The following CXXC4 variants were observed in gnomAD, a reference collection of about 807,000 sequenced individuals.
The protein encoded by CXXC4 is CXXC finger protein 4, also known as CXXC-type zinc finger protein 4.
CXXC4 carries 5 observed loss-of-function variants against 20.5 expected under a neutral mutation model. That is an observed-to-expected ratio of 0.24 (90% CI 0.13 to 0.51). The LOEUF is 0.51. CXXC4 is among the 20% of genes least tolerant of loss of function. The pLI, the probability that CXXC4 is intolerant of heterozygous loss-of-function variation, is 0.97. For missense variants in CXXC4, 419 were observed against 496.4 expected (o/e 0.84, Z 1.48); for synonymous variants, 250 against 216.4 (o/e 1.16, Z -1.36).
At chr4:104,492,096 G>C (rs1419547792) in intron 1 of CXXC4, 37 bp from the exon 2 acceptor site, 1 of 260,798 alleles carries the variant, frequency 3.8e-6, no homozygotes, top group Non-Finnish European at 7.2e-6. Flanking sequence ...AGCTGCACGA[G>C]GAAAAAGATT....
At chr4:104,473,051 A>T (rs1446185049) in intron 2 of CXXC4, among the ~76,000 whole-genome samples, 1 of 151,770 alleles carries the variant, frequency 6.6e-6, no homozygotes, top group East Asian at 1.9e-4. Context: ...TATGTATAGA[A>T]ATCACAATAT....
At chr4:104,492,131 A>G (rs1736905128) in intron 1 of CXXC4, 72 bp from the exon 2 acceptor site, 1 of 180,024 alleles carries the variant, frequency 5.6e-6, no homozygotes, top group South Asian at 2.0e-4. Flanking sequence ...TCCCTCACTA[A>G]CCCACCGCAG....
At chr4:104,480,292 T>C (rs1736518626) in intron 2 of CXXC4, among the ~76,000 whole-genome samples, 1 of 152,140 alleles carries the variant, frequency 6.6e-6, no homozygotes, top group Admixed American at 6.6e-5. Context: ...CACCATAGGA[T>C]TTATAAGATG....
chr4:104,484,958 A>G (rs1333450033), intron 2 of CXXC4, among the ~76,000 whole-genome samples: 1 of 152,042 alleles, frequency 6.6e-6, no homozygotes, highest in South Asian at 2.1e-4. Flanking sequence ...ATATTTTGAA[A>G]ATCCTAATAA....
At chr4:104,490,341 G>A (rs1736811676) in intron 2 of CXXC4, among the ~76,000 whole-genome samples, 1 of 152,140 alleles carries the variant, frequency 6.6e-6, no homozygotes, top group Admixed American at 6.5e-5. Flanking sequence ...TTATAAATGG[G>A]CCACTAACTT....
chr4:104,476,486 A>G (rs1233288251), intron 2 of CXXC4, among the ~76,000 whole-genome samples: 1 of 152,192 alleles, frequency 6.6e-6, no homozygotes, highest in Non-Finnish European at 1.5e-5. Context: ...ATTCATATCT[A>G]AGTACAGTGT....
chr4:104,492,834 T>A (rs530233827), intron 1 of CXXC4, among the ~76,000 whole-genome samples: 1 of 152,176 alleles, frequency 6.6e-6, no homozygotes, highest in East Asian at 1.9e-4. Flanking sequence ...TGATTTTTTT[T>A]AAGGTAGAAA....
intron 1 of CXXC4, among the ~76,000 whole-genome samples, chr4:104,493,048 A>AGGG (rs10633436): frequency 1.8e-3 from 240 of 132,566 alleles, no homozygotes; most frequent in African/African-American, 6.3e-3. Context: ...ATTGAGTAAA[A>AGGG]GGGGGGGGGG....
chr4:104,480,845 C>T (rs1283606457), intron 2 of CXXC4, among the ~76,000 whole-genome samples: 1 of 146,774 alleles, frequency 6.8e-6, no homozygotes, highest in African/African-American at 2.5e-5. Flanking sequence ...TTGCCTTTAT[C>T]TTCCCTCCCT....
rs1001274628 is a variant in CXXC4 at position 104,494,864 on chromosome 4, T to G, written c.-421A>C. Reference sequence around the variant, plus strand: ...GGTGGTCTCTCCTCTCCCAGCGCGTTGCTCTCCGTCCGTCTCCAGTCGCTG... The same window carrying G: ...GGTGGTCTCTCCTCTCCCAGCGCGTGGCTCTCCGTCCGTCTCCAGTCGCTG... On this transcript the variant is annotated 5_prime_UTR_variant, in exon 1 of 3. Coordinates refer to ENST00000394767, the MANE Select transcript of CXXC4 (RefSeq NM_025212.4). 6.7e-6 allele frequency: 1 copy of G among 150,306 alleles called. No homozygotes were observed. The highest frequency in any genetic ancestry group is 1.5e-5 in the Non-Finnish European group (1 of 67,662). 9.3% of individuals were successfully genotyped at this position (150,306 alleles called of 1,614,324 possible). A position where few individuals can be genotyped will look rare whatever the true frequency, so the allele number is the denominator to read the frequency against.
chr4:104,478,888 G>T (rs1736485365), intron 2 of CXXC4, among the ~76,000 whole-genome samples: 1 of 151,786 alleles, frequency 6.6e-6, no homozygotes, highest in Non-Finnish European at 1.5e-5. Flanking sequence ...AAGAATGATT[G>T]AAATTATTTT....
Position 104,491,620 on chromosome 4 carries a change from G to A in CXXC4, c.183C>T (p.Ala61=), listed in dbSNP as rs1736881616. Residue 61 remains alanine (A), a synonymous_variant, in exon 2 of 3, where the codon GCC becomes GCT. Coordinates refer to ENST00000394767, the MANE Select transcript of CXXC4 (RefSeq NM_025212.4). The stretch of plus-strand genomic sequence containing the variant: ...TGGGGGTGGTGATGCGCGCGATCTT[G>A]GCCGCCTGTGGGAAGGCGCCCCCGT... The part of the protein sequence containing the change: ...KTNGGAFPQA[A]KIARITTPIF... 1.9e-6 allele frequency: 3 copies of A among 1,543,186 alleles called. No homozygotes were observed. Among genetic ancestry groups the A allele is most frequent in the Non-Finnish European group, 2.6e-6 (3 of 1,144,070 alleles).
intron 2 of CXXC4, among the ~76,000 whole-genome samples, chr4:104,488,744 G>C (rs1392818299): frequency 6.6e-6 from 1 of 152,138 alleles, no homozygotes; most frequent in Non-Finnish European, 1.5e-5. Flanking sequence ...TGTAGGAAAA[G>C]CATCAAATTA....
At chr4:104,473,863 T>C (rs1319762400) in intron 2 of CXXC4, among the ~76,000 whole-genome samples, 1 of 151,872 alleles carries the variant, frequency 6.6e-6, no homozygotes, top group Non-Finnish European at 1.5e-5. Flanking sequence ...ATAATTGAGG[T>C]TAGCTCTTAT....
intron 2 of CXXC4, among the ~76,000 whole-genome samples, chr4:104,476,275 G>A (rs1047558703): frequency 2.0e-5 from 3 of 152,066 alleles, no homozygotes; most frequent in African/African-American, 7.2e-5. Context: ...TAAAGAATAT[G>A]AAAAGCTTTC....
chr4:104,491,032 A>C lies in CXXC4; in HGVS notation c.771T>G (p.Leu257=). Reference sequence around the variant, plus strand: ...CTGCTGAGGCTGCTGCGGGGGAGTGAAGGGCTGTCATGACGATGACCCCTG... The same window carrying C: ...CTGCTGAGGCTGCTGCGGGGGAGTGCAGGGCTGTCATGACGATGACCCCTG... The part of the protein sequence containing the change: ...LPPGVIVMTA[L]HSPAAASAAV... The change falls in exon 2 of 3, where the codon CTT becomes CTG. Residue 257 remains leucine, a synonymous_variant. Coordinates refer to ENST00000394767, the MANE Select transcript of CXXC4 (RefSeq NM_025212.4). 1 of 1,613,960 alleles carries C rather than the reference A, an allele frequency of 6.2e-7. No homozygotes were observed. Among genetic ancestry groups the C allele is most frequent in the African/African-American group, 1.3e-5 (1 of 74,978 alleles).
rs1290818814 is a variant in CXXC4 at position 104,491,272 on chromosome 4, C to T, written c.531G>A (p.Gln177=). The change falls in exon 2 of 3, where the codon CAG becomes CAA. Residue 177 remains glutamine (Q), a synonymous_variant. Coordinates refer to ENST00000394767, the MANE Select transcript of CXXC4 (RefSeq NM_025212.4). ...GCGGGCAGCCAGCTTTCCCCAGCCT[C>T]TGGGAGTCGTTTCGGTGGTGCATGC... ...RTSMHHRNDS[Q]RLGKAGCPPE... The T allele has an allele frequency of 6.2e-7, 1 of 1,612,224 alleles. No individual in the cohort carries two copies. The highest frequency in any genetic ancestry group is 1.1e-5 in the South Asian group (1 of 91,066).
At position 104,485,768 on chromosome 4, in the gene CXXC4, T is replaced by G. The variant is rs575842160; in HGVS notation, c.1059+4976A>C. Among the ~76,000 whole-genome samples the G allele has an allele frequency of 2.0e-5, 3 of 152,246 alleles. No homozygotes were observed. The South Asian group carries it at 6.2e-4, about 32-fold the overall frequency. ...AAATATGGATCAAATGCCTGTTCTT[T>G]TTGCATGCCTTTCAATTTTCAATCT... On this transcript the variant is annotated intron_variant, in intron 2 of 2. Transcript: ENST00000394767.
In CXXC4 at chr4:104,490,930, G is replaced by A. The variant is rs867889302; in HGVS notation, c.873C>T (p.Ser291=). The change falls in exon 2 of 3, where the codon TCC becomes TCT. Residue 291 remains serine (S), a synonymous_variant. Coordinates refer to ENST00000394767, the MANE Select transcript of CXXC4 (RefSeq NM_025212.4). ...GGTTGGCTCCGCCAGCTCCCCCTGA[G>A]GAGGACGAGGAGGAGGAGGAATGAT... ...PQNHSSSSSS[S]SGGAGGANPA... The A allele has an allele frequency of 6.2e-7, 1 of 1,614,090 alleles. No homozygotes were observed. The highest frequency in any genetic ancestry group is 8.5e-7 in the Non-Finnish European group (1 of 1,180,034).
Sources: allele counts gnomAD v4.1 joint callset (sites outside exome capture counted in the v4.1 genomes callset), GRCh38; gene constraint gnomAD v4.1.1; transcripts MANE v1.5; gene names NCBI Gene and HGNC (gene_info 2026-07-23, HGNC 2026-07-21).